The following DCDC1 variants were observed in gnomAD, a reference collection of about 807,000 sequenced individuals.
DCDC1 encodes doublecortin domain-containing protein 1.
DCDC1 carries 200 observed loss-of-function variants against 178.3 expected under a neutral mutation model. That is an observed-to-expected ratio of 1.12 (90% CI 1.00 to 1.26). The LOEUF is 1.26. Among genes scored for constraint, DCDC1 ranks in the 50% most tolerant of loss-of-function variants. The pLI, the probability that DCDC1 is intolerant of heterozygous loss-of-function variation, is 0.00. For synonymous variants in DCDC1, 690 were observed against 604.8 expected, an observed-to-expected ratio of 1.14 and a Z score of -2.07; for missense variants, 1,983 against 1,749.2, an observed-to-expected ratio of 1.13 and a Z score of -2.38.
intron 21 of DCDC1, among the ~76,000 whole-genome samples, chr11:30,946,879 G>A (rs1428431783): frequency 2.0e-5 from 3 of 152,308 alleles, no homozygotes; most frequent in Admixed American, 6.5e-5. Context: ...TCTTGCAGAG[G>A]AAGGGCTCAG....
chr11:31,209,025 A>T (rs1163579356), intron 9 of DCDC1, among the ~76,000 whole-genome samples: 1 of 152,176 alleles, frequency 6.6e-6, no homozygotes, highest in Admixed American at 6.5e-5. Context: ...TACATTTCTC[A>T]ATTCCTAGAG....
chr11:31,326,199 T>C (rs929091976), intron 3 of DCDC1, among the ~76,000 whole-genome samples: 2 of 151,870 alleles, frequency 1.3e-5, no homozygotes, highest in Non-Finnish European at 2.9e-5. Flanking sequence ...AAGAAGCACA[T>C]TGAAACAAAA....
rs567888357 is a variant in DCDC1 at position 31,297,495 on chromosome 11, A to G, written c.755-6643T>C. The stretch of plus-strand genomic sequence containing the variant: ...CGAGTAACTGGGACAACAGGCGCGC[A>G]CTACCGTGCCTGGCTAATTTTTTAT... On this transcript the variant is annotated intron_variant, in intron 6 of 38. Coordinates refer to ENST00000684477, the MANE Select transcript of DCDC1 (RefSeq NM_001387274.1). Among the ~76,000 whole-genome samples, 6 of 152,000 alleles carry G rather than the reference A, an allele frequency of 3.9e-5. No individual in the cohort carries two copies. The South Asian group carries it at 1.3e-3, about 32-fold the overall frequency.
chr11:31,096,161 A>T (rs368722016), intron 15 of DCDC1, among the ~76,000 whole-genome samples: 1 of 152,376 alleles, frequency 6.6e-6, no homozygotes, highest in East Asian at 1.9e-4. Context: ...AGAAAACGTC[A>T]TAAGACTCCT....
intron 17 of DCDC1, among the ~76,000 whole-genome samples, chr11:31,084,107 C>T (rs977547946): frequency 3.3e-5 from 5 of 152,116 alleles, no homozygotes; most frequent in Non-Finnish European, 5.9e-5. Flanking sequence ...AAAATACACA[C>T]GAGCACTTGC....
At chr11:31,003,285 G>A (rs943200903) in intron 20 of DCDC1, among the ~76,000 whole-genome samples, 3 of 152,122 alleles carry the variant, frequency 2.0e-5, no homozygotes, top group Non-Finnish European at 4.4e-5. Flanking sequence ...GTTGCAGACA[G>A]TGATGGAGCT....
Position 30,905,112 on chromosome 11 carries a change from C to T in DCDC1, c.4157G>A (p.Arg1386His), listed in dbSNP as rs866986489. ...GGTCTTCATCCGTAAAGACAATAGA[C>T]GTGCTTGGTAGTAACTTAGAGTTTT... ...AEKTLSYYQA[R>H]LLSLRMKTCT... The change falls in exon 31 of 39, where the codon CGT becomes CAT. Residue 1386 changes from arginine to histidine, a missense_variant. Coordinates refer to ENST00000684477, the MANE Select transcript of DCDC1 (RefSeq NM_001387274.1). 5.6e-6 allele frequency: 9 copies of T among 1,613,114 alleles called. No homozygotes were observed. The highest frequency in any genetic ancestry group is 1.7e-5 in the Admixed American group (1 of 59,844).
intron 9 of DCDC1, among the ~76,000 whole-genome samples, chr11:31,229,778 G>C (rs1291825540): frequency 6.6e-6 from 1 of 152,074 alleles, no homozygotes; most frequent in East Asian, 1.9e-4. Flanking sequence ...AAAACACAAT[G>C]ATGATCTGAA....
intron 20 of DCDC1, among the ~76,000 whole-genome samples, chr11:30,980,862 G>A (rs1448245125): frequency 6.6e-6 from 1 of 152,046 alleles, no homozygotes; most frequent in Non-Finnish European, 1.5e-5. Context: ...CTGTGCATCT[G>A]CCCAAAGGAA....
chr11:31,302,120 A>G (rs988247193), intron 6 of DCDC1, among the ~76,000 whole-genome samples: 5 of 152,222 alleles, frequency 3.3e-5, no homozygotes, highest in African/African-American at 7.2e-5. Flanking sequence ...TTTAAAGACA[A>G]TCAGAACTCC....
At chr11:31,128,411 C>A (rs1034407617) in intron 10 of DCDC1, among the ~76,000 whole-genome samples, 1 of 152,026 alleles carries the variant, frequency 6.6e-6, no homozygotes, top group African/African-American at 2.4e-5. Context: ...CATTTTCACC[C>A]ATATAGTTTA....
chr11:31,364,755 T>C (rs980289065), intron 1 of DCDC1, among the ~76,000 whole-genome samples: 1 of 151,502 alleles, frequency 6.6e-6, no homozygotes, highest in South Asian at 2.1e-4. Flanking sequence ...AAGGGAAAAA[T>C]GAAAACCATT....
At chr11:30,937,106 C>T (rs1273553498) in intron 21 of DCDC1, among the ~76,000 whole-genome samples, 2 of 152,096 alleles carry the variant, frequency 1.3e-5, no homozygotes, top group East Asian at 1.9e-4. Flanking sequence ...CTCACAACTA[C>T]GTTTTTACCC....
At chr11:31,275,565 C>T (rs1371487135) in intron 7 of DCDC1, among the ~76,000 whole-genome samples, 1 of 152,110 alleles carries the variant, frequency 6.6e-6, no homozygotes, top group Non-Finnish European at 1.5e-5. Context: ...AGTGCAATGG[C>T]TTGATCTCGG....
chr11:30,886,811 G>A (rs187612837), intron 36 of DCDC1, among the ~76,000 whole-genome samples: 1 of 151,884 alleles, frequency 6.6e-6, no homozygotes, highest in Admixed American at 6.6e-5. Flanking sequence ...TTTCTATCTG[G>A]AGTGGGAAAA....
chr11:31,211,448 G>A lies in DCDC1; in HGVS notation c.1221+30002C>T, dbSNP rs1351134387. ...ATTGCTTTTAATTATTTGCACTATC[G>A]CCCCATCCCACCTGCACTGTTTTAA... On this transcript the variant is annotated intron_variant, in intron 9 of 38. Transcript: ENST00000684477. Among the ~76,000 whole-genome samples, 5 of 151,964 alleles carry A rather than the reference G, an allele frequency of 3.3e-5. No homozygotes were observed. In the South Asian group the frequency reaches 6.2e-4, roughly 19 times the overall value.
intron 13 of DCDC1, among the ~76,000 whole-genome samples, chr11:31,104,291 T>G (rs1015295850): frequency 7.2e-5 from 11 of 152,146 alleles, no homozygotes; most frequent in African/African-American, 2.7e-4. Context: ...ATGGCCACTA[T>G]TGTACACTAT....
chr11:31,229,479 G>A (rs1003818562), intron 9 of DCDC1, among the ~76,000 whole-genome samples: 4 of 151,956 alleles, frequency 2.6e-5, no homozygotes, highest in Admixed American at 2.6e-4. Flanking sequence ...ATGAATCAAC[G>A]TAATTCACTA....
chr11:31,267,291 A>G (rs528660627), intron 7 of DCDC1, among the ~76,000 whole-genome samples: 95 of 152,228 alleles, frequency 6.2e-4, no homozygotes, highest in Non-Finnish European at 1.2e-3. Flanking sequence ...CCCGGGTTCA[A>G]GTGATTCTCC....
Sources: gnomAD v4.1 joint callset for allele counts (sites outside exome capture counted in the v4.1 genomes callset) on GRCh38, gnomAD v4.1.1 for gene constraint, MANE v1.5 for transcripts, NCBI Gene and HGNC (gene_info 2026-07-23, HGNC 2026-07-21) for gene names.